The following AFF1 variants were observed in gnomAD, a reference collection of about 807,000 sequenced individuals.
AFF1 encodes ALF transcription elongation factor 1.
In AFF1, 48 loss-of-function variants were observed where a neutral mutation model predicts 121.7. The observed-to-expected ratio is 0.39, with a 90% confidence interval of 0.31 to 0.50. The LOEUF (loss-of-function observed/expected upper bound fraction) is 0.50. AFF1 is among the 20% of genes least tolerant of loss of function. The probability of loss-of-function intolerance (pLI) is 0.76; values close to 1 mark genes in which losing one functional copy is unlikely to be tolerated. For missense variants in AFF1, 1,523 were observed against 1,511.7 expected (o/e 1.01, Z -0.12); for synonymous variants, 613 against 563.0 (o/e 1.09, Z -1.26).
chr4:87,096,001 A>G (rs1347247339), intron 8 of AFF1, among the ~76,000 whole-genome samples: 1 of 152,136 alleles, frequency 6.6e-6, no homozygotes, highest in Non-Finnish European at 1.5e-5. Flanking sequence ...ATTGCTATGG[A>G]TTATTTAAAA....
At chr4:87,132,764 T>C (rs1353630715) in intron 19 of AFF1, among the ~76,000 whole-genome samples, 1 of 152,184 alleles carries the variant, frequency 6.6e-6, no homozygotes, top group Non-Finnish European at 1.5e-5. Context: ...AATCTTGGCT[T>C]ACTGCAACCT....
chr4:86,995,426 C>CGAG (rs1205982126), intron 2 of AFF1, among the ~76,000 whole-genome samples: 4 of 150,976 alleles, frequency 2.6e-5, no homozygotes, highest in African/African-American at 9.7e-5. Flanking sequence ...ATTCTCCTGC[C>CGAG]TCAGCCTGCC....
At chr4:87,072,241 T>A (rs915656283) in intron 4 of AFF1, among the ~76,000 whole-genome samples, 1 of 151,302 alleles carries the variant, frequency 6.6e-6, no homozygotes, top group Non-Finnish European at 1.5e-5. Context: ...CGGGCGCCTG[T>A]AGTCCCAGCT....
chr4:86,943,591 C>T (rs553863743), intron 1 of AFF1, among the ~76,000 whole-genome samples: 1 of 152,324 alleles, frequency 6.6e-6, no homozygotes, highest in East Asian at 1.9e-4. Flanking sequence ...AGGCTGGGCT[C>T]AGTCGCTCAC....
intron 2 of AFF1, among the ~76,000 whole-genome samples, chr4:86,956,590 T>C (rs1721757496): frequency 6.6e-6 from 1 of 152,224 alleles, no homozygotes; most frequent in African/African-American, 2.4e-5. Flanking sequence ...TTACAGTTAA[T>C]CCCATTTTCA....
chr4:87,111,732 A>C (rs1354863194), intron 11 of AFF1, among the ~76,000 whole-genome samples: 2 of 152,148 alleles, frequency 1.3e-5, no homozygotes, highest in Non-Finnish European at 2.9e-5. Flanking sequence ...AATTATATCC[A>C]TTTCACAACT....
At chr4:86,949,815 T>C (rs992543844) in intron 2 of AFF1, 5 of 1,613,956 alleles carry the variant, frequency 3.1e-6, no homozygotes, top group Admixed American at 1.7e-5. Flanking sequence ...TGCGTCATGA[T>C]GGCGAAACCG....
intron 2 of AFF1, 68 bp downstream of exon 2, chr4:86,948,639 A>G: frequency 6.8e-7 from 1 of 1,461,874 alleles, no homozygotes; most frequent in Non-Finnish European, 9.2e-7. Context: ...TTCAATGAAT[A>G]AGTTTGGTCT....
At chr4:86,960,130 A>T (rs1353893376) in intron 2 of AFF1, among the ~76,000 whole-genome samples, 1 of 152,162 alleles carries the variant, frequency 6.6e-6, no homozygotes, top group African/African-American at 2.4e-5. Flanking sequence ...AAAGGAAAAC[A>T]GGGTTTCCTA....
At chr4:87,011,042 G>A (rs1410490635) in intron 2 of AFF1, among the ~76,000 whole-genome samples, 1 of 140,014 alleles carries the variant, frequency 7.1e-6, no homozygotes, top group Non-Finnish European at 1.5e-5. Context: ...TCGCACCACT[G>A]CACTCCAGCC....
intron 7 of AFF1, among the ~76,000 whole-genome samples, chr4:87,092,264 C>T (rs1333733940): frequency 6.6e-6 from 1 of 152,194 alleles, no homozygotes; most frequent in African/African-American, 2.4e-5. Flanking sequence ...GCCTGGGAGA[C>T]AGCACAGATC....
At chr4:87,069,816 A>T (rs1578188035) in intron 4 of AFF1, among the ~76,000 whole-genome samples, 4 of 121,292 alleles carry the variant, frequency 3.3e-5, no homozygotes, top group East Asian at 2.4e-4. Flanking sequence ...ATCACTCAGG[A>T]TTTTTTTTTT....
chr4:87,118,306 A>T (rs577371300), intron 12 of AFF1, among the ~76,000 whole-genome samples: 2 of 80,988 alleles, frequency 2.5e-5, no homozygotes, highest in East Asian at 5.9e-4. Context: ...ATAGAAATGC[A>T]CACGTTTTTT....
At chr4:87,011,044 A>C (rs978628603) in intron 2 of AFF1, among the ~76,000 whole-genome samples, 1 of 141,324 alleles carries the variant, frequency 7.1e-6, no homozygotes, top group African/African-American at 2.6e-5. Context: ...GCACCACTGC[A>C]CTCCAGCCTG....
At position 86,948,529 on chromosome 4, in the gene AFF1, A is replaced by G; in HGVS notation, c.-5A>G. 6.5e-7 allele frequency: 1 copy of G among 1,536,918 alleles called. No individual in the cohort carries two copies. Among genetic ancestry groups the G allele is most frequent in the Non-Finnish European group, 8.7e-7 (1 of 1,146,660 alleles). ...AGACTAGCCACTTTGCATTGACTGG[A>G]AACAATGGCATTTACAGAAAGAGTC... On this transcript the variant is annotated 5_prime_UTR_variant, in exon 2 of 21. Transcript: ENST00000395146.
intron 2 of AFF1, among the ~76,000 whole-genome samples, chr4:86,985,191 A>ATATATATATATATATG (rs1560518325): frequency 2.8e-5 from 3 of 106,026 alleles, no homozygotes; most frequent in Admixed American, 9.4e-5. Flanking sequence ...CTATATATAT[A>ATATATATATATATATG]TATATATATA....
intron 8 of AFF1, among the ~76,000 whole-genome samples, chr4:87,096,712 G>A (rs1016549448): frequency 1.3e-5 from 2 of 151,598 alleles, no homozygotes; most frequent in African/African-American, 2.4e-5. Flanking sequence ...TATGATGCCC[G>A]GCTCCCCTTC....
chr4:87,035,250 A>G (rs1729442004), intron 2 of AFF1, among the ~76,000 whole-genome samples: 1 of 152,122 alleles, frequency 6.6e-6, no homozygotes, highest in African/African-American at 2.4e-5. Context: ...TGAGGCTGGC[A>G]GAAGTACTGC....
intron 4 of AFF1, among the ~76,000 whole-genome samples, chr4:87,079,713 G>A (rs1329022499): frequency 6.6e-6 from 1 of 152,088 alleles, no homozygotes; most frequent in African/African-American, 2.4e-5. Context: ...CAGTCTCCTC[G>A]TTTTATTTTT....
Sources: allele counts gnomAD v4.1 joint callset (sites outside exome capture counted in the v4.1 genomes callset), GRCh38; gene constraint gnomAD v4.1.1; transcripts MANE v1.5; gene names NCBI Gene and HGNC (gene_info 2026-07-23, HGNC 2026-07-21).